The following PDCD11 variants were observed in gnomAD, a reference collection of about 807,000 sequenced individuals.
PDCD11 encodes protein RRP5 homolog.
In PDCD11, 97 loss-of-function variants were observed where a neutral mutation model predicts 198.9. That is an observed-to-expected ratio of 0.49 (90% CI 0.41 to 0.58). The LOEUF (loss-of-function observed/expected upper bound fraction) is 0.58. PDCD11 is among the 20% of genes least tolerant of loss of function. The probability of loss-of-function intolerance (pLI) is 0.00; values close to 1 mark genes in which losing one functional copy is unlikely to be tolerated. For synonymous variants in PDCD11, 893 were observed against 918.0 expected (o/e 0.97, Z 0.49); for missense variants, 2,102 against 2,312.7 (o/e 0.91, Z 1.87).
chr10:103,427,306 A>T, intron 20 of PDCD11, 23 bp from the exon 21 acceptor site: 1 of 1,602,594 alleles, frequency 6.2e-7, no homozygotes, highest in Non-Finnish European at 8.5e-7. Flanking sequence ...AAGAGAAATG[A>T]TTCAGCTTAT....
chr10:103,428,317 A>AAC (rs2031786987), intron 21 of PDCD11, among the ~76,000 whole-genome samples: 1 of 151,770 alleles, frequency 6.6e-6, no homozygotes, highest in Admixed American at 6.6e-5. Context: ...AAGAAAAAAA[A>AAC]AAAACACAAA....
intron 28 of PDCD11, among the ~76,000 whole-genome samples, 157 bp downstream of exon 28, chr10:103,440,025 G>C (rs2032311964): frequency 1.3e-5 from 2 of 152,200 alleles, no homozygotes; most frequent in Admixed American, 6.5e-5. Flanking sequence ...TTCTCCCCCA[G>C]TGCCTGTGAA....
At chr10:103,397,109 C>T (rs546677529) in intron 1 of PDCD11, among the ~76,000 whole-genome samples, 1 of 151,940 alleles carries the variant, frequency 6.6e-6, no homozygotes, top group African/African-American at 2.4e-5. Context: ...CTTGTAGAGT[C>T]TTATTACCAA....
rs745663865 is a variant in PDCD11 at position 103,433,933 on chromosome 10, C to CT, written c.3475-8dup. 5.0e-6 allele frequency: 8 copies of CT among 1,603,528 alleles called. No individual in the cohort carries two copies. The South Asian group carries it at 7.7e-5, about 15-fold the overall frequency. ...ATTTGTATTTGCCCTACTCTGGTTCCTTTTTTTCCCTCAGTACAATGTGGT... is the reference window on the plus strand; with the variant it reads ...ATTTGTATTTGCCCTACTCTGGTTCCTTTTTTTTCCCTCAGTACAATGTGGT... On this transcript the variant is annotated splice_polypyrimidine_tract_variant and intron_variant, in intron 22 of 35. Transcript: ENST00000369797.
At chr10:103,421,296 G>A in intron 16 of PDCD11, 52 bp from the exon 17 acceptor site, 1 of 1,429,326 alleles carries the variant, frequency 7.0e-7, no homozygotes, top group African/African-American at 1.4e-5. Context: ...CAAGTGGGTT[G>A]TCTTAATGAA....
At chr10:103,421,313 T>G (rs780509243) in intron 16 of PDCD11, 35 bp from the exon 17 acceptor site, 1 of 1,527,664 alleles carries the variant, frequency 6.5e-7, no homozygotes, top group Non-Finnish European at 9.0e-7. Flanking sequence ...TGAAGACCTT[T>G]CCTCTTCTCA....
intron 4 of PDCD11, among the ~76,000 whole-genome samples, chr10:103,404,177 CAG>C (rs1488025709): frequency 6.6e-6 from 1 of 151,744 alleles, no homozygotes; most frequent in Non-Finnish European, 1.5e-5. Flanking sequence ...TCGGTAGAGA[CAG>C]GGCTTCACCA....
intron 7 of PDCD11, 57 bp downstream of exon 7, chr10:103,406,847 T>A: frequency 7.3e-7 from 1 of 1,366,964 alleles, no homozygotes; most frequent in Non-Finnish European, 1.0e-6. Context: ...TTCAAAATAT[T>A]AAATGCATAA....
At position 103,418,545 on chromosome 10, in the gene PDCD11, G is replaced by A. The variant is rs143564622; in HGVS notation, c.2017G>A (p.Val673Ile). 50 of 1,614,042 alleles carry A rather than the reference G, an allele frequency of 3.1e-5. No homozygotes were observed. The highest frequency in any genetic ancestry group is 3.6e-5 in the Non-Finnish European group (43 of 1,180,038). Residue 673 changes from valine to isoleucine, a missense_variant, in exon 15 of 36, where the codon GTT becomes ATT. Val to Ile is a conservative substitution (Grantham distance 29). Transcript: ENST00000369797. ...FLPTSHLSDH[V>I]ANGPLLHHWL... Reference sequence around the variant, plus strand: ...CCCCACATCTCATCTGTCGGACCACGTTGCCAACGGCCCATTGTTACATCA... The same window carrying A: ...CCCCACATCTCATCTGTCGGACCACATTGCCAACGGCCCATTGTTACATCA...
At chr10:103,411,673 GC>G (rs1206614763) in intron 8 of PDCD11, among the ~76,000 whole-genome samples, 3 of 152,138 alleles carry the variant, frequency 2.0e-5, no homozygotes, top group Admixed American at 2.0e-4. Context: ...ATAGGCTTCA[GC>G]CACTACAACT....
intron 32 of PDCD11, 24 bp downstream of exon 32, chr10:103,442,484 A>G (rs773400545): frequency 1.9e-6 from 3 of 1,606,866 alleles, no homozygotes; most frequent in African/African-American, 1.3e-5. Context: ...CCCAGGGAGC[A>G]CAGTGTCTTC....
In PDCD11 at chr10:103,443,091, C is replaced by T; in HGVS notation, c.4956-74C>T. On this transcript the variant is annotated intron_variant, in intron 32 of 35. Coordinates refer to ENST00000369797, the MANE Select transcript of PDCD11 (RefSeq NM_014976.2). ...AGAGGCTGGGAGGGGGAGGTGGTTC[C>T]TGAGTCTGTCTGGATGGGGCGGGAG... 4.4e-6 allele frequency: 6 copies of T among 1,364,184 alleles called. No homozygotes were observed. The South Asian group carries it at 4.5e-5, about 10-fold the overall frequency. 84.5% of individuals were successfully genotyped at this position (1,364,184 alleles called of 1,614,324 possible).
intron 20 of PDCD11, 91 bp downstream of exon 20, chr10:103,425,616 T>C: frequency 3.7e-6 from 4 of 1,086,682 alleles, no homozygotes; most frequent in Non-Finnish European, 5.4e-6. Context: ...AAAAGTTGCA[T>C]GTAAGTCAGA....
At chr10:103,427,526 T>C in intron 21 of PDCD11, 135 bp downstream of exon 21, 1 of 690,642 alleles carries the variant, frequency 1.4e-6, no homozygotes, top group Non-Finnish European at 2.5e-6. Context: ...TTCTTGTTTC[T>C]CTAGTGGGGA....
chr10:103,421,995 A>C (rs1342268955), intron 17 of PDCD11, among the ~76,000 whole-genome samples: 3 of 145,684 alleles, frequency 2.1e-5, no homozygotes, highest in Non-Finnish European at 4.5e-5. Context: ...AAAAAAAAGA[A>C]AAAAAAAATT....
At chr10:103,433,847 G>T in intron 22 of PDCD11, 101 bp from the exon 23 acceptor site, 1 of 855,936 alleles carries the variant, frequency 1.2e-6, no homozygotes, top group East Asian at 2.4e-5. Context: ...TCTTGGAAAA[G>T]TGTACTGGGG....
At chr10:103,444,748 G>T in intron 35 of PDCD11, 66 bp downstream of exon 35, 1 of 1,421,340 alleles carries the variant, frequency 7.0e-7, no homozygotes. Context: ...TGGTCCCACA[G>T]CAGCTCTCAG....
chr10:103,444,819 A>T, intron 35 of PDCD11, 137 bp downstream of exon 35: 1 of 777,268 alleles, frequency 1.3e-6, no homozygotes, highest in Non-Finnish European at 2.1e-6. Flanking sequence ...AGGCCCAGTG[A>T]CATTCACTTC....
intron 8 of PDCD11, 105 bp from the exon 9 acceptor site, chr10:103,413,011 C>A: frequency 1.2e-6 from 1 of 815,774 alleles, no homozygotes; most frequent in Non-Finnish European, 2.1e-6. Flanking sequence ...GATGTGAGTA[C>A]TCACATACCT....
Sources: allele counts gnomAD v4.1 joint callset (sites outside exome capture counted in the v4.1 genomes callset), GRCh38; gene constraint gnomAD v4.1.1; transcripts MANE v1.5; gene names NCBI Gene and HGNC (gene_info 2026-07-23, HGNC 2026-07-21).